MRPL42: variants seen among roughly 807,000 people sequenced by gnomAD.
MRPL42 encodes the protein mitochondrial ribosomal protein L42, also known as large ribosomal subunit protein mL42.
MRPL42 carries 17 observed loss-of-function variants against 17.9 expected under a neutral mutation model. The observed-to-expected ratio is 0.95, with a 90% CI of 0.65 to 1.42. MRPL42 has a LOEUF of 1.42. Among genes scored for constraint, MRPL42 ranks in the 40% most tolerant of loss-of-function variants. MRPL42 has a pLI of 0.00. For synonymous variants in MRPL42, 59 were observed against 54.4 expected (o/e 1.08, Z -0.37); for missense variants, 177 against 175.2 (o/e 1.01, Z -0.06).
chr12:93,494,818 G>C (rs7132815), intron 5 of MRPL42, among the ~76,000 whole-genome samples: 1 of 151,974 alleles, frequency 6.6e-6, no homozygotes, highest in Non-Finnish European at 1.5e-5. Flanking sequence ...GGAGATGAAA[G>C]GGAAGCACCA....
In MRPL42 at chr12:93,512,228, G is replaced by C. The variant is rs1953731955; in HGVS notation, c.*11007G>C. ...GCACTTTGGGAGGCCGAGGCAGGCG[G>C]ATCACCTGAGGTCAGAGGTTCGAGA... is the stretch of plus-strand genomic sequence containing the variant. On this transcript the variant is annotated 3_prime_UTR_variant, in exon 6 of 6. Transcript: ENST00000549982. 6.6e-6 allele frequency: 1 copy of C among 152,272 alleles called. No individual in the cohort carries two copies. The highest frequency in any genetic ancestry group is 1.5e-5 in the Non-Finnish European group (1 of 68,084). 9.4% of individuals were successfully genotyped at this position (152,272 alleles called of 1,614,324 possible). A position where few individuals can be genotyped will look rare whatever the true frequency, so the allele number is the denominator to read the frequency against.
chr12:93,490,290 C>A (rs961902039), intron 5 of MRPL42, among the ~76,000 whole-genome samples: 4 of 152,180 alleles, frequency 2.6e-5, no homozygotes, highest in Non-Finnish European at 4.4e-5. Context: ...AATCTTACTG[C>A]TAATCAGCTT....
intron 5 of MRPL42, among the ~76,000 whole-genome samples, chr12:93,489,598 A>T (rs1375085422): frequency 6.6e-6 from 1 of 151,950 alleles, no homozygotes; most frequent in Admixed American, 6.6e-5. Context: ...CAGTGGTGTG[A>T]TCTCAGCTCA....
chr12:93,480,209 C>T (rs1448484539), intron 4 of MRPL42, among the ~76,000 whole-genome samples: 1 of 152,056 alleles, frequency 6.6e-6, no homozygotes, highest in African/African-American at 2.4e-5. Context: ...CAGCCTCCAC[C>T]TCCTGGGTTC....
intron 5 of MRPL42, among the ~76,000 whole-genome samples, chr12:93,491,564 T>C (rs190821594): frequency 6.6e-6 from 1 of 152,376 alleles, no homozygotes. Flanking sequence ...TATGTATGTA[T>C]GTATTTTAAT....
chr12:93,479,970 T>C (rs928998627), intron 4 of MRPL42, among the ~76,000 whole-genome samples: 3 of 151,976 alleles, frequency 2.0e-5, no homozygotes, highest in Non-Finnish European at 4.4e-5. Flanking sequence ...TAGATTTTTT[T>C]CCCTATTTTT....
intron 5 of MRPL42, among the ~76,000 whole-genome samples, chr12:93,490,942 G>A (rs942049598): frequency 2.0e-5 from 3 of 152,102 alleles, no homozygotes; most frequent in Non-Finnish European, 2.9e-5. Flanking sequence ...CCAGGCTGGA[G>A]TGCAGTGGTG....
At position 93,506,594 on chromosome 12, in the gene MRPL42, C is replaced by T. The variant is rs559881459; in HGVS notation, c.*5373C>T. On this transcript the variant is annotated 3_prime_UTR_variant, in exon 6 of 6. Transcript: ENST00000549982. Reference sequence around the variant, plus strand: ...ATGTCTTTTCTTTATAATGTTGTCTCTAAGCATGTAATCTTTTCGGCAAAT... The same window carrying T: ...ATGTCTTTTCTTTATAATGTTGTCTTTAAGCATGTAATCTTTTCGGCAAAT... 4 of 152,116 alleles carry T rather than the reference C, an allele frequency of 2.6e-5. No individual in the cohort carries two copies. Among genetic ancestry groups the T allele is most frequent in the Non-Finnish European group, 5.9e-5 (4 of 68,052 alleles). 9.4% of individuals were successfully genotyped at this position (152,116 alleles called of 1,614,324 possible).
intron 2 of MRPL42, chr12:93,470,658 C>T: frequency 1.2e-6 from 1 of 813,474 alleles, no homozygotes; most frequent in Non-Finnish European, 1.6e-6. Flanking sequence ...TTGTTCCCAT[C>T]TTTGTGTCCA....
intron 5 of MRPL42, among the ~76,000 whole-genome samples, chr12:93,492,688 A>C (rs1386225261): frequency 1.3e-5 from 2 of 152,266 alleles, no homozygotes; most frequent in African/African-American, 4.8e-5. Flanking sequence ...ACACTGTTCA[A>C]TTATATTTAC....
At chr12:93,490,526 C>A (rs7137669) in intron 5 of MRPL42, among the ~76,000 whole-genome samples, 101,989 of 152,092 alleles carry the variant, frequency 0.67, 34,438 homozygotes, top group Middle Eastern at 0.72. Context: ...GCCTATGTGT[C>A]ATCACTTATC....
At chr12:93,483,661 A>C (rs528326049) in intron 4 of MRPL42, among the ~76,000 whole-genome samples, 109 of 152,306 alleles carry the variant, frequency 7.2e-4, no homozygotes, top group African/African-American at 2.5e-3. Context: ...GGCCTAGTAC[A>C]TTACTGTACA....
chr12:93,478,415 A>AT (rs1032389344), intron 3 of MRPL42, among the ~76,000 whole-genome samples: 40 of 148,140 alleles, frequency 2.7e-4, no homozygotes, highest in African/African-American at 9.5e-4. Context: ...CACCTGGCTA[A>AT]TTTTTTTTTA....
At chr12:93,477,743 A>G (rs1291032013) in intron 3 of MRPL42, among the ~76,000 whole-genome samples, 3 of 150,294 alleles carry the variant, frequency 2.0e-5, no homozygotes, top group Non-Finnish European at 3.0e-5. Flanking sequence ...GCTCACTGCA[A>G]CCTCCACCTC....
At position 93,484,088 on chromosome 12, in the gene MRPL42, GTCT is replaced by G. The variant is rs572787724; in HGVS notation, c.220-3402_220-3400del. On this transcript the variant is annotated intron_variant, in intron 4 of 5. Coordinates refer to ENST00000549982, the MANE Select transcript of MRPL42 (RefSeq NM_014050.4). Reference sequence around the variant, plus strand: ...AGCTGTCATCTCCTATGATAACAGTGTCTTCTTCTGGAATACCTCCTGAGGGGC... The same window carrying G: ...AGCTGTCATCTCCTATGATAACAGTGTCTTCTGGAATACCTCCTGAGGGGC... Among the ~76,000 whole-genome samples, 578 of 152,108 alleles carry G rather than the reference GTCT, an allele frequency of 3.8e-3. 4 individuals are homozygous for G. The highest frequency in any genetic ancestry group is 0.013 in the African/African-American group (558 of 41,498).
chr12:93,479,328 A>AAG, intron 3 of MRPL42, 60 bp from the exon 4 acceptor site: 2 of 1,263,828 alleles, frequency 1.6e-6, no homozygotes, highest in Non-Finnish European at 1.1e-6. Context: ...AAAAAAAAAA[A>AAG]GGTAATCATT....
At chr12:93,479,342 C>A in intron 3 of MRPL42, 46 bp from the exon 4 acceptor site, 3 of 1,326,014 alleles carry the variant, frequency 2.3e-6, no homozygotes, top group Non-Finnish European at 3.1e-6. Context: ...AATCATTTTG[C>A]CTTGAATACA....
chr12:93,500,099 T>C (rs769140017), intron 5 of MRPL42, among the ~76,000 whole-genome samples: 9 of 152,202 alleles, frequency 5.9e-5, no homozygotes, highest in Non-Finnish European at 7.4e-5. Flanking sequence ...ACTCAAAAAC[T>C]ATCACTGCTG....
chr12:93,502,910 A>T lies in MRPL42; in HGVS notation c.*1689A>T, dbSNP rs1468632649. On this transcript the variant is annotated 3_prime_UTR_variant, in exon 6 of 6. Coordinates refer to ENST00000549982, the MANE Select transcript of MRPL42 (RefSeq NM_014050.4). The stretch of plus-strand genomic sequence containing the variant: ...ACTTTGACTTTATTCTACTGGAAGT[A>T]TAGATTAACACTGTGCTTTCTGGGA... The T allele has an allele frequency of 6.6e-6, 1 of 152,186 alleles. No individual in the cohort carries two copies. Among genetic ancestry groups the T allele is most frequent in the African/African-American group, 2.4e-5 (1 of 41,454 alleles). The allele number at this position is 152,186 out of a possible 1,614,324, so 9.4% of individuals were successfully genotyped here.
Sources: gnomAD v4.1 joint callset for allele counts (sites outside exome capture counted in the v4.1 genomes callset) on GRCh38, gnomAD v4.1.1 for gene constraint, MANE v1.5 for transcripts, NCBI Gene and HGNC (gene_info 2026-07-23, HGNC 2026-07-21) for gene names.